The following SLC6A16 variants were observed in gnomAD, a reference collection of about 807,000 sequenced individuals.
SLC6A16 encodes the protein solute carrier family 6 member 16.
A neutral mutation model predicts 65.4 loss-of-function variants in SLC6A16; 54 were observed. The ratio of observed to expected loss-of-function variants is 0.83; its 90% CI spans 0.66 to 1.04. The LOEUF (loss-of-function observed/expected upper bound fraction) is 1.04, where lower values mean the gene tolerates loss of function less well. Among genes scored for constraint, SLC6A16 ranks in the 50% least tolerant of loss-of-function variants. The pLI is 0.00. For missense variants in SLC6A16, 816 were observed against 914.0 expected (o/e 0.89, Z 1.38); for synonymous variants, 330 against 346.5 (o/e 0.95, Z 0.53).
rs776569899 is a variant in SLC6A16, at chr19:49,293,282, G to A, written c.1719C>T (p.Pro573=). 2 of 1,614,010 alleles carry A rather than the reference G, an allele frequency of 1.2e-6. No individual in the cohort carries two copies. Among genetic ancestry groups the A allele is most frequent in the African/African-American group, 2.7e-5 (2 of 74,898 alleles). Residue 573 remains proline (P), a synonymous_variant, in exon 10 of 12, where the codon CCC becomes CCT. Coordinates refer to ENST00000335875, the MANE Select transcript of SLC6A16 (RefSeq NM_014037.3). ...TTTCAAATACGACAACGACGATGAT[G>A]GGGAAGACTATCCAGTAGTCACTCA... ...RLLSDYWIVF[P]IIVVVVFETM...
At position 49,324,939 on chromosome 19, in the gene SLC6A16, C is replaced by T. The variant is rs1053985652; in HGVS notation, c.-65+109G>A. On this transcript the variant is annotated intron_variant, in intron 1 of 11. Transcript: ENST00000335875. Reference sequence around the variant, plus strand: ...AACCAGGAGGCTCCCAGCCAGTCACCTGTCACCCGTCAGTGGAGCCCAGTG... The same window carrying T: ...AACCAGGAGGCTCCCAGCCAGTCACTTGTCACCCGTCAGTGGAGCCCAGTG... The T allele has an allele frequency of 2.5e-5, 16 of 645,604 alleles. No homozygotes were observed. The African/African-American group carries it at 3.0e-4, about 12-fold the overall frequency. The allele number at this position is 645,604 out of a possible 1,614,324, so 40.0% of individuals were successfully genotyped here. A position where few individuals can be genotyped will look rare whatever the true frequency, so the allele number is the denominator to read the frequency against.
chr19:49,310,331 T>C (rs1298964408), intron 3 of SLC6A16, 22 bp downstream of exon 3: 5 of 1,613,300 alleles, frequency 3.1e-6, no homozygotes, highest in Admixed American at 1.7e-5. Context: ...AAGTCAGGCC[T>C]GGGCAGCCAT....
At chr19:49,314,191 C>G (rs578246743) in intron 1 of SLC6A16, among the ~76,000 whole-genome samples, 161 of 151,652 alleles carry the variant, frequency 1.1e-3, no homozygotes, top group Non-Finnish European at 6.0e-4. Flanking sequence ...ACAAAGAAAT[C>G]CAATTGAAGA....
chr19:49,301,410 C>T (rs1428427698), intron 7 of SLC6A16, among the ~76,000 whole-genome samples: 2 of 152,210 alleles, frequency 1.3e-5, no homozygotes, highest in African/African-American at 4.8e-5. Context: ...GTGGGACAGG[C>T]TGTCAGTATC....
At chr19:49,295,308 A>G (rs566045315) in intron 7 of SLC6A16, among the ~76,000 whole-genome samples, 26 of 151,952 alleles carry the variant, frequency 1.7e-4, no homozygotes, top group Admixed American at 9.8e-4. Context: ...TGAACCTGGG[A>G]GGCAGAGGTT....
In SLC6A16 at chr19:49,311,340, G is replaced by A; in HGVS notation, c.8C>T (p.Thr3Ile). The A allele has an allele frequency of 6.3e-7, 1 of 1,579,162 alleles. No homozygotes were observed. The highest frequency in any genetic ancestry group is 1.2e-5 in the South Asian group (1 of 84,258). The change falls in exon 2 of 12, where the codon ACA becomes ATA. Residue 3 changes from threonine (T) to isoleucine (I), a missense_variant. Physicochemically the swap from Thr to Ile is moderately conservative, Grantham distance 89. Transcript: ENST00000335875. MK[T>I]EAQPSTSLLA... ...CAAGGATGTCGAAGGCTGGGCCTCTGTCTTCATCTCACACAGACTCTCTGG... is the reference window on the plus strand; with the variant it reads ...CAAGGATGTCGAAGGCTGGGCCTCTATCTTCATCTCACACAGACTCTCTGG...
intron 7 of SLC6A16, among the ~76,000 whole-genome samples, chr19:49,299,335 C>T (rs1970242070): frequency 6.6e-6 from 1 of 151,368 alleles, no homozygotes; most frequent in African/African-American, 2.4e-5. Flanking sequence ...AAACCGATCA[C>T]TTGATGTCAG....
intron 7 of SLC6A16, among the ~76,000 whole-genome samples, chr19:49,302,011 T>C (rs1192341004): frequency 6.6e-6 from 1 of 152,192 alleles, no homozygotes; most frequent in Non-Finnish European, 1.5e-5. Context: ...AGCTCAGCCC[T>C]GCAACTGCCC....
At chr19:49,307,585 C>G (rs1007340902) in intron 7 of SLC6A16, among the ~76,000 whole-genome samples, 1 of 151,502 alleles carries the variant, frequency 6.6e-6, no homozygotes, top group Admixed American at 6.6e-5. Flanking sequence ...AATCCCAGCT[C>G]TTTGGGAGGC....
chr19:49,293,182 A>G, intron 10 of SLC6A16, 41 bp downstream of exon 10: 5 of 1,607,318 alleles, frequency 3.1e-6, no homozygotes, highest in Non-Finnish European at 4.3e-6. Context: ...ACCCTTCCCT[A>G]TAGTCCCATG....
At chr19:49,322,634 CAAA>C (rs59799608) in intron 1 of SLC6A16, among the ~76,000 whole-genome samples, 2 of 77,414 alleles carry the variant, frequency 2.6e-5, no homozygotes, top group Non-Finnish European at 2.7e-5. Flanking sequence ...AACTCCATCT[CAAA>C]AAAAAAAAAA....
chr19:49,335,649 T>A, the SLC6A16 span: 1 of 1,609,600 alleles, frequency 6.2e-7, no homozygotes, highest in Non-Finnish European at 8.5e-7. The surrounding 1 kb of genome is among the most constrained non-coding windows in gnomAD (Gnocchi z 4.6). Context: ...GCCCAGCCCC[T>A]GCCGCTAACC....
chr19:49,339,324 C>T, the SLC6A16 span: 1 of 1,613,498 alleles, frequency 6.2e-7, no homozygotes, highest in African/African-American at 1.3e-5. The surrounding 1 kb of genome is among the most constrained non-coding windows in gnomAD (Gnocchi z 4.5). Context: ...TCCCTACACC[C>T]CCCAGGGCTG....
chr19:49,317,197 C>T (rs1970626987), intron 1 of SLC6A16, among the ~76,000 whole-genome samples: 1 of 151,862 alleles, frequency 6.6e-6, no homozygotes, highest in African/African-American at 2.4e-5. Context: ...AAAAATTAGC[C>T]AGGCATGGTG....
At chr19:49,306,378 A>G (rs1436922319) in intron 7 of SLC6A16, among the ~76,000 whole-genome samples, 2 of 152,138 alleles carry the variant, frequency 1.3e-5, no homozygotes, top group African/African-American at 4.8e-5. Context: ...TGGATGAGAA[A>G]AAGAAAGCAC....
intron 7 of SLC6A16, among the ~76,000 whole-genome samples, chr19:49,296,290 G>A (rs1372786847): frequency 6.6e-6 from 1 of 152,154 alleles, no homozygotes; most frequent in East Asian, 1.9e-4. Flanking sequence ...CTCAGTCTGG[G>A]AAGGTAATTC....
At chr19:49,291,340 A>G (rs1970074837) in intron 10 of SLC6A16, among the ~76,000 whole-genome samples, 1 of 151,510 alleles carries the variant, frequency 6.6e-6, no homozygotes, top group South Asian at 2.1e-4. Flanking sequence ...CTAACCATCT[A>G]TGCCCCCGGA....
At chr19:49,333,057 G>A in the SLC6A16 span, among the ~76,000 whole-genome samples, 1 of 151,958 alleles carries the variant, frequency 6.6e-6, no homozygotes, top group Non-Finnish European at 1.5e-5. Flanking sequence ...AGCTACTCTG[G>A]AGGCTGAGAC....
chr19:49,340,274 AT>A, the SLC6A16 span: 1 of 1,613,668 alleles, frequency 6.2e-7, no homozygotes, highest in South Asian at 1.1e-5. Context: ...CGCTCTCGAT[AT>A]TCCTGTGCAG....
Sources: allele counts gnomAD v4.1 joint callset (sites outside exome capture counted in the v4.1 genomes callset), GRCh38; gene constraint gnomAD v4.1.1; non-coding constraint Gnocchi (gnomAD v3.1); transcripts MANE v1.5; gene names NCBI Gene and HGNC (gene_info 2026-07-23, HGNC 2026-07-21).